Variants in HBP1 observed in about 807,000 individuals in gnomAD.
HBP1 encodes the protein HMG-box transcription factor 1, also known as HMG box-containing protein 1.
HBP1 carries 20 observed loss-of-function variants against 62.6 expected under a neutral mutation model. That is an observed-to-expected ratio of 0.32 (90% CI 0.22 to 0.46). The LOEUF (loss-of-function observed/expected upper bound fraction) is 0.46, where lower values mean the gene tolerates loss of function less well. Ranked by LOEUF, HBP1 falls within the 20% of genes least tolerant of loss-of-function variation. The probability of loss-of-function intolerance (pLI) is 1.00; values close to 1 mark genes in which losing one functional copy is unlikely to be tolerated. For synonymous variants in HBP1, 232 were observed against 206.2 expected (o/e 1.12, Z -1.07); for missense variants, 480 against 611.8 (o/e 0.78, Z 2.27).
intron 4 of HBP1, 46 bp downstream of exon 4, chr7:107,185,988 G>A: frequency 6.9e-7 from 1 of 1,441,452 alleles, no homozygotes; most frequent in Non-Finnish European, 9.8e-7. Context: ...TTGTACAACA[G>A]TTGAAGTACA....
chr7:107,180,213 A>G (rs1409868334), intron 2 of HBP1, 151 bp downstream of exon 2: 2 of 492,840 alleles, frequency 4.1e-6, no homozygotes, highest in African/African-American at 3.8e-5. Flanking sequence ...TTGCTTTTAA[A>G]ATACTACTTA....
intron 6 of HBP1, among the ~76,000 whole-genome samples, chr7:107,188,262 C>A (rs933918738): frequency 6.6e-6 from 1 of 152,310 alleles, no homozygotes; most frequent in East Asian, 1.9e-4. Context: ...CTTAGTGTGA[C>A]CAAAACTGCC....
chr7:107,186,771 T>G (rs1386625420), intron 6 of HBP1, 90 bp downstream of exon 6: 4 of 750,176 alleles, frequency 5.3e-6, no homozygotes, highest in Non-Finnish European at 9.1e-6. Flanking sequence ...TCCATTCACT[T>G]TGATATTTAA....
chr7:107,170,998 A>G (rs201273037), intron 1 of HBP1, among the ~76,000 whole-genome samples: 1 of 144,768 alleles, frequency 6.9e-6, no homozygotes, highest in East Asian at 2.0e-4. Flanking sequence ...TATAAAATAT[A>G]TAACATATAC....
chr7:107,169,497 C>T (rs1043565535), intron 1 of HBP1, among the ~76,000 whole-genome samples: 1 of 36,356 alleles, frequency 2.8e-5, no homozygotes. Flanking sequence ...GGAGATGGGG[C>T]GGGCCAGGGC....
intron 1 of HBP1, among the ~76,000 whole-genome samples, chr7:107,176,110 C>G (rs553546661): frequency 1.3e-5 from 2 of 151,730 alleles, no homozygotes; most frequent in Non-Finnish European, 2.9e-5. Context: ...ACTGCAACCT[C>G]TGTCTCCCGG....
intron 3 of HBP1, 100 bp downstream of exon 3, chr7:107,182,701 T>C (rs1042713474): frequency 9.6e-6 from 6 of 624,388 alleles, no homozygotes; most frequent in Middle Eastern, 4.2e-4. Context: ...CTTTAAATTA[T>C]TAGAATTTAA....
At chr7:107,170,946 T>TATACATGTATATGTATAAAATATATAAC (rs1796528214) in intron 1 of HBP1, among the ~76,000 whole-genome samples, 6 of 144,242 alleles carry the variant, frequency 4.2e-5, no homozygotes, top group Admixed American at 1.4e-4. Context: ...ATATATAACA[T>TATACATGTATATGTATAAAATATATAAC]ATACATGTAT....
intron 3 of HBP1, among the ~76,000 whole-genome samples, chr7:107,184,701 G>A (rs1269475437): frequency 6.6e-6 from 1 of 152,076 alleles, no homozygotes; most frequent in Non-Finnish European, 1.5e-5. Context: ...AAGTAGAGAT[G>A]GGGTTTCACT....
rs752766934 is a variant in HBP1, at chr7:107,182,433, T to A, written c.230T>A (p.Leu77Gln). The A allele has an allele frequency of 1.2e-6, 2 of 1,613,888 alleles. No individual in the cohort carries two copies. The highest frequency in any genetic ancestry group is 1.7e-6 in the Non-Finnish European group (2 of 1,179,754). ...CCTACCCAATCTGGCATGTACCAGC[T>A]GAGTTCAGATGTTTCACATCAAGAA... ...SDPTQSGMYQ[L>Q]SSDVSHQEYP... The change falls in exon 3 of 11, where the codon CTG becomes CAG. Residue 77 changes from leucine to glutamine, a missense_variant. Transcript: ENST00000222574.
chr7:107,169,165 GCTGCC>G lies in HBP1; in HGVS notation c.-35_-31del. On this transcript the variant is annotated 5_prime_UTR_variant, in exon 1 of 11. Coordinates refer to ENST00000222574, the MANE Select transcript of HBP1 (RefSeq NM_012257.4). ...CGTGGCCGGAGCGGCCCGCGCCTGG[GCTGCC>G]GGCACTTCGCGGCAGGTTTGTTGTC... 1 of 1,124,464 alleles carries G rather than the reference GCTGCC, an allele frequency of 8.9e-7. No individual in the cohort carries two copies. The highest frequency in any genetic ancestry group is 1.1e-6 in the Non-Finnish European group (1 of 900,520). 69.7% of individuals were successfully genotyped at this position (1,124,464 alleles called of 1,614,324 possible).
intron 3 of HBP1, among the ~76,000 whole-genome samples, chr7:107,183,364 T>C (rs1039525495): frequency 1.3e-5 from 2 of 152,230 alleles, no homozygotes; most frequent in Non-Finnish European, 2.9e-5. Context: ...TGTAATGCAT[T>C]GCTAAAGAAT....
At chr7:107,200,345 G>T in intron 10 of HBP1, 44 bp downstream of exon 10, 1 of 1,545,150 alleles carries the variant, frequency 6.5e-7, no homozygotes, top group Non-Finnish European at 8.9e-7. Flanking sequence ...TGCCTTATCC[G>T]TGCAGGTGTA....
At chr7:107,176,884 T>C (rs1796877161) in intron 1 of HBP1, among the ~76,000 whole-genome samples, 2 of 152,192 alleles carry the variant, frequency 1.3e-5, no homozygotes, top group African/African-American at 4.8e-5. Context: ...TGTACTAAAC[T>C]GGAGAAGCGT....
intron 8 of HBP1, among the ~76,000 whole-genome samples, chr7:107,195,142 C>T (rs1797831867): frequency 6.6e-6 from 1 of 152,310 alleles, no homozygotes; most frequent in East Asian, 1.9e-4. Flanking sequence ...CTGCCTCAGT[C>T]ACCCGAATAG....
At chr7:107,175,042 T>TTAGG (rs1225239458) in intron 1 of HBP1, among the ~76,000 whole-genome samples, 5 of 152,080 alleles carry the variant, frequency 3.3e-5, no homozygotes, top group African/African-American at 1.2e-4. Flanking sequence ...ACGGGTGGCT[T>TTAGG]TCATAGAGAC....
At chr7:107,198,240 GCT>G (rs1467732974) in intron 9 of HBP1, among the ~76,000 whole-genome samples, 3 of 150,898 alleles carry the variant, frequency 2.0e-5, no homozygotes, top group African/African-American at 7.3e-5. Flanking sequence ...ATGGAATCTT[GCT>G]CTGTCACGCA....
rs371519974 is a variant in HBP1, at chr7:107,183,436, AC to A, written c.398+836del. ...CCCATTAAGTTGTGCTGCTTTTCTT[AC>A]ATTTAGCAGGATATTGATCTTGACT... On this transcript the variant is annotated intron_variant, in intron 3 of 10. Transcript: ENST00000222574. Among the ~76,000 whole-genome samples, 416 of 152,336 alleles carry A rather than the reference AC, an allele frequency of 2.7e-3. 1 individual carries two copies. The highest frequency in any genetic ancestry group is 8.3e-3 in the South Asian group (40 of 4,830).
intron 6 of HBP1, among the ~76,000 whole-genome samples, chr7:107,187,215 T>G (rs187466903): frequency 5.8e-4 from 88 of 152,216 alleles, no homozygotes; most frequent in African/African-American, 2.0e-3. Context: ...ATTGCGCCAC[T>G]GCACTCTAGC....
Sources: gnomAD v4.1 joint callset for allele counts (sites outside exome capture counted in the v4.1 genomes callset) on GRCh38, gnomAD v4.1.1 for gene constraint, MANE v1.5 for transcripts, NCBI Gene and HGNC (gene_info 2026-07-23, HGNC 2026-07-21) for gene names.